LRRC37A2: variants seen among roughly 807,000 people sequenced by gnomAD.
The protein encoded by LRRC37A2 is leucine rich repeat containing 37 member A2, also known as leucine-rich repeat-containing protein 37A2.
Under a neutral mutation model 68.8 loss-of-function variants are expected in LRRC37A2, and 9 were observed. That is an observed-to-expected ratio of 0.13 (90% CI 0.08 to 0.23). LRRC37A2 has a LOEUF of 0.23. Among genes scored for constraint, LRRC37A2 ranks in the 10% least tolerant of loss-of-function variants. The pLI is 1.00. For synonymous variants in LRRC37A2, 63 were observed against 367.6 expected (o/e 0.17, Z 9.48); for missense variants, 168 against 950.4 (o/e 0.18, Z 10.82).
chr17:46,798,725 C>T, the LRRC37A2 span, among the ~76,000 whole-genome samples: 2 of 152,150 alleles, frequency 1.3e-5, no homozygotes, highest in Non-Finnish European at 2.9e-5. Flanking sequence ...GATATTAAAT[C>T]TACACAGACC....
chr17:46,725,861 A>G, the LRRC37A2 span, among the ~76,000 whole-genome samples: 1 of 152,170 alleles, frequency 6.6e-6, no homozygotes, highest in African/African-American at 2.4e-5. Context: ...CAAAAAGGCT[A>G]GTCTCAAGGC....
the LRRC37A2 span, among the ~76,000 whole-genome samples, chr17:47,027,302 T>A: frequency 3.9e-5 from 6 of 152,188 alleles, no homozygotes; most frequent in African/African-American, 1.2e-4. Context: ...AAAGGGCATC[T>A]AATCAAGTCT....
At chr17:46,839,912 T>TTTCC in the LRRC37A2 span, among the ~76,000 whole-genome samples, 1 of 113,332 alleles carries the variant, frequency 8.8e-6, no homozygotes, top group Non-Finnish European at 1.8e-5. Flanking sequence ...ACATTTTCTC[T>TTTCC]TTTCTTTCTT....
the LRRC37A2 span, among the ~76,000 whole-genome samples, chr17:46,958,302 T>C: frequency 6.6e-6 from 1 of 152,094 alleles, no homozygotes; most frequent in East Asian, 1.9e-4. Flanking sequence ...ATGGGACACA[T>C]TTGCACAATA....
chr17:46,799,216 C>T, the LRRC37A2 span, among the ~76,000 whole-genome samples: 3 of 152,144 alleles, frequency 2.0e-5, no homozygotes, highest in Non-Finnish European at 4.4e-5. Flanking sequence ...ACTTCTGCCA[C>T]ATGCCTCCCC....
the LRRC37A2 span, chr17:46,941,003 C>T: frequency 8.8e-7 from 1 of 1,135,426 alleles, no homozygotes. Context: ...GGAGCACCCT[C>T]TAGTGGAGGC....
chr17:46,716,444 A>C, the LRRC37A2 span, among the ~76,000 whole-genome samples: 1 of 151,938 alleles, frequency 6.6e-6, no homozygotes, highest in African/African-American at 2.4e-5. Flanking sequence ...TTTTTAGTAG[A>C]GATGGGGTTT....
At chr17:46,768,665 G>A in the LRRC37A2 span, 1 of 1,614,148 alleles carries the variant, frequency 6.2e-7, no homozygotes, top group East Asian at 2.2e-5. This position sits in a 1 kb window ranked among gnomAD's most constrained non-coding sequence, Gnocchi z 5.0. Context: ...CCATCTCCGA[G>A]GCGCTGTCAT....
At chr17:47,004,218 T>A in the LRRC37A2 span, among the ~76,000 whole-genome samples, 1 of 152,232 alleles carries the variant, frequency 6.6e-6, no homozygotes, top group Non-Finnish European at 1.5e-5. Flanking sequence ...TGATTTATAA[T>A]CCTTTGGGTA....
chr17:46,888,769 G>A, the LRRC37A2 span, among the ~76,000 whole-genome samples: 17 of 152,220 alleles, frequency 1.1e-4, no homozygotes, highest in East Asian at 1.4e-3. Context: ...GCAGCATACC[G>A]TTCATAGCAG....
the LRRC37A2 span, among the ~76,000 whole-genome samples, chr17:46,972,014 G>C: frequency 5.9e-5 from 9 of 152,170 alleles, no homozygotes; most frequent in Non-Finnish European, 8.8e-5. Context: ...CAGGGCACGT[G>C]GGGGAGAGGG....
the LRRC37A2 span, among the ~76,000 whole-genome samples, chr17:46,861,481 C>T: frequency 6.6e-6 from 1 of 152,208 alleles, no homozygotes; most frequent in Non-Finnish European, 1.5e-5. Flanking sequence ...CTCTGGGGCA[C>T]ATACTACCTC....
the LRRC37A2 span, among the ~76,000 whole-genome samples, chr17:46,988,856 C>T: frequency 6.6e-6 from 1 of 152,172 alleles, no homozygotes; most frequent in Non-Finnish European, 1.5e-5. Context: ...GCTAGGGAAT[C>T]ACAGTGAAAG....
chr17:46,472,943 T>C, the LRRC37A2 span, among the ~76,000 whole-genome samples: 1 of 68,500 alleles, frequency 1.5e-5, no homozygotes, highest in African/African-American at 4.6e-5. Context: ...TATATATATA[T>C]TGTATAGGGA....
At chr17:46,957,345 G>A in the LRRC37A2 span, among the ~76,000 whole-genome samples, 1 of 152,170 alleles carries the variant, frequency 6.6e-6, no homozygotes, top group African/African-American at 2.4e-5. Flanking sequence ...AAGCGCTGTG[G>A]CTCACGCCTG....
the LRRC37A2 span, among the ~76,000 whole-genome samples, chr17:46,990,967 G>C: frequency 2.0e-5 from 3 of 152,144 alleles, no homozygotes; most frequent in African/African-American, 7.2e-5. Context: ...CACCACACCT[G>C]GCCACAGACT....
At chr17:46,979,552 C>G in the LRRC37A2 span, among the ~76,000 whole-genome samples, 1 of 152,208 alleles carries the variant, frequency 6.6e-6, no homozygotes, top group Admixed American at 6.5e-5. Flanking sequence ...GGAATCTGCC[C>G]TGACTCTCTT....
chr17:46,953,601 T>C, the LRRC37A2 span, among the ~76,000 whole-genome samples: 48 of 152,344 alleles, frequency 3.2e-4, no homozygotes, highest in South Asian at 6.6e-3. Context: ...TTTCTAGTTC[T>C]AGATCCCTGA....
At chr17:46,957,432 G>C in the LRRC37A2 span, among the ~76,000 whole-genome samples, 1 of 152,172 alleles carries the variant, frequency 6.6e-6, no homozygotes. Context: ...GGCCAACATG[G>C]TGAAACCCCA....
Sources: gnomAD v4.1 joint callset for allele counts (sites outside exome capture counted in the v4.1 genomes callset) on GRCh38, gnomAD v4.1.1 for gene constraint, Gnocchi (gnomAD v3.1) non-coding constraint, MANE v1.5 for transcripts, NCBI Gene and HGNC (gene_info 2026-07-23, HGNC 2026-07-21) for gene names.